The following SHTN1 variants were observed in gnomAD, a reference collection of about 807,000 sequenced individuals.
SHTN1 encodes shootin 1, also known as shootin-1.
A neutral mutation model predicts 83.1 loss-of-function variants in SHTN1; 42 were observed. The ratio of observed to expected loss-of-function variants is 0.51; its 90% CI spans 0.39 to 0.65. The LOEUF (loss-of-function observed/expected upper bound fraction) is 0.65. Ranked by LOEUF, SHTN1 falls within the 30% of genes least tolerant of loss-of-function variation. SHTN1 has a pLI of 0.00. For missense variants in SHTN1, 622 were observed against 737.8 expected (o/e 0.84, Z 1.82); for synonymous variants, 224 against 247.7 (o/e 0.90, Z 0.90).
chr10:116,953,619 T>G (rs766373941), intron 5 of SHTN1, among the ~76,000 whole-genome samples: 20 of 114,596 alleles, frequency 1.7e-4, no homozygotes, highest in South Asian at 7.4e-4. Flanking sequence ...CAGTTTTGTG[T>G]TTTGTTTTTT....
Position 117,103,950 on chromosome 10 carries a change from A to G in SHTN1, c.-189+22357T>C, listed in dbSNP as rs576137396. On this transcript the variant is annotated intron_variant, in intron 1 of 17. Transcript: ENST00000392901. ...GGTAATTACAAATTAATGAGCAATTAGTATTACTAGATTAGGGCTGAGGCT... is the reference window on the plus strand; with the variant it reads ...GGTAATTACAAATTAATGAGCAATTGGTATTACTAGATTAGGGCTGAGGCT... Among the ~76,000 whole-genome samples the G allele has an allele frequency of 2.6e-3, 389 of 152,352 alleles. 2 individuals are homozygous for G. Among genetic ancestry groups the G allele is most frequent in the African/African-American group, 8.8e-3 (366 of 41,580 alleles).
intron 9 of SHTN1, among the ~76,000 whole-genome samples, chr10:116,936,612 C>T (rs558685163): frequency 3.9e-5 from 6 of 152,120 alleles, no homozygotes; most frequent in Non-Finnish European, 5.9e-5. Flanking sequence ...AGAATAAGTA[C>T]GATGTGGTCC....
intron 6 of SHTN1, 28 bp downstream of exon 6, chr10:116,951,881 C>G (rs768795642): frequency 7.7e-7 from 1 of 1,304,918 alleles, no homozygotes; most frequent in Non-Finnish European, 1.1e-6. Flanking sequence ...ATGCTAAAGC[C>G]CTTGCCTTTC....
Position 116,939,231 on chromosome 10 carries a change from G to A in SHTN1, c.858+1235C>T, listed in dbSNP as rs1849277035. 2.6e-5 allele frequency among the ~76,000 whole-genome samples: 4 copies of A among 152,196 alleles called. No individual in the cohort carries two copies. In the South Asian group the frequency reaches 6.2e-4, roughly 24 times the overall value. ...TGGAGTATGAAGAAACACTCCTGCAGCTAGTTTGGTGTCTGCCCAAATGGC... is the reference window on the plus strand; with the variant it reads ...TGGAGTATGAAGAAACACTCCTGCAACTAGTTTGGTGTCTGCCCAAATGGC... On this transcript the variant is annotated intron_variant, in intron 9 of 16. Coordinates refer to ENST00000355371, the MANE Select transcript of SHTN1 (RefSeq NM_001127211.3).
intron 1 of SHTN1, among the ~76,000 whole-genome samples, chr10:117,095,488 G>T (rs1431331444): frequency 2.0e-5 from 3 of 152,104 alleles, no homozygotes; most frequent in Non-Finnish European, 4.4e-5. Context: ...ACACTAAGAA[G>T]AATCTAGAGT....
At chr10:116,928,583 T>C (rs1241368739) in intron 10 of SHTN1, among the ~76,000 whole-genome samples, 4 of 152,136 alleles carry the variant, frequency 2.6e-5, no homozygotes, top group African/African-American at 4.8e-5. Context: ...CTAATACCTA[T>C]GAGATAATGG....
chr10:116,892,911 C>T (rs895744676), intron 16 of SHTN1, among the ~76,000 whole-genome samples: 8 of 152,048 alleles, frequency 5.3e-5, no homozygotes, highest in Non-Finnish European at 7.4e-5. Flanking sequence ...TACAATGTAC[C>T]GAAAGCAATT....
chr10:116,936,396 T>C lies in SHTN1; in HGVS notation c.858+4070A>G, dbSNP rs567016416. On this transcript the variant is annotated intron_variant, in intron 9 of 16. Transcript: ENST00000355371. The stretch of plus-strand genomic sequence containing the variant: ...TCTGTTCTCATTGGTTTCAAAGAAC[T>C]TATTTATTTCTGCCTTAATTTCGTT... 7.9e-5 allele frequency among the ~76,000 whole-genome samples: 12 copies of C among 152,286 alleles called. No homozygotes were observed. In the East Asian group the frequency reaches 2.1e-3, roughly 27 times the overall value.
At chr10:117,065,860 G>GGAAGGAAGGAAGGAAA (rs1564947552) in intron 1 of SHTN1, among the ~76,000 whole-genome samples, 1 of 97,830 alleles carries the variant, frequency 1.0e-5, no homozygotes, top group Non-Finnish European at 2.0e-5. Flanking sequence ...AAGGAAAGGA[G>GGAAGGAAGGAAGGAAA]GGAGGGAGGG....
At chr10:117,064,212 G>GA (rs1282826499) in intron 1 of SHTN1, among the ~76,000 whole-genome samples, 1 of 152,214 alleles carries the variant, frequency 6.6e-6, no homozygotes, top group African/African-American at 2.4e-5. Context: ...CTCCAACCAT[G>GA]AGTTTGCTGT....
At chr10:117,105,413 T>C (rs1397624569) in intron 1 of SHTN1, among the ~76,000 whole-genome samples, 2 of 152,202 alleles carry the variant, frequency 1.3e-5, no homozygotes, top group Admixed American at 1.3e-4. Flanking sequence ...GAAAATCTTA[T>C]TAGTTAAGCA....
chr10:116,955,039 T>C (rs781422075), intron 4 of SHTN1, among the ~76,000 whole-genome samples: 3 of 151,574 alleles, frequency 2.0e-5, no homozygotes, highest in African/African-American at 4.9e-5. Context: ...TTTCTTTTCT[T>C]GTTTAAACTA....
chr10:117,016,139 C>T (rs1334758282), intron 2 of SHTN1, among the ~76,000 whole-genome samples: 2 of 152,100 alleles, frequency 1.3e-5, no homozygotes, highest in Non-Finnish European at 2.9e-5. Flanking sequence ...AGCACTCTTA[C>T]ACAGGTTCAA....
intron 12 of SHTN1, among the ~76,000 whole-genome samples, chr10:116,916,014 T>C (rs1283018714): frequency 6.6e-6 from 1 of 152,250 alleles, no homozygotes; most frequent in African/African-American, 2.4e-5. Flanking sequence ...AACTGCCATC[T>C]TTTGTTTATG....
intron 2 of SHTN1, among the ~76,000 whole-genome samples, chr10:117,035,658 A>C (rs562007361): frequency 6.6e-6 from 1 of 152,244 alleles, no homozygotes; most frequent in African/African-American, 2.4e-5. Context: ...TGATTTAAAA[A>C]TGGGCAAAAA....
chr10:117,072,452 G>T (rs1853095876), intron 1 of SHTN1, among the ~76,000 whole-genome samples: 1 of 152,126 alleles, frequency 6.6e-6, no homozygotes, highest in Admixed American at 6.6e-5. Context: ...GAAAGAAGTG[G>T]ACTGCTCCTG....
intron 1 of SHTN1, among the ~76,000 whole-genome samples, chr10:116,981,392 C>A (rs1332962649): frequency 1.3e-5 from 2 of 152,178 alleles, no homozygotes; most frequent in Admixed American, 6.5e-5. Flanking sequence ...TCTCTGCACA[C>A]CAGCTCTTCA....
At chr10:116,964,595 A>G (rs1850323151) in intron 3 of SHTN1, among the ~76,000 whole-genome samples, 1 of 152,224 alleles carries the variant, frequency 6.6e-6, no homozygotes, top group Non-Finnish European at 1.5e-5. Flanking sequence ...AAAGTTTTCC[A>G]TGTGGTAAGG....
intron 14 of SHTN1, among the ~76,000 whole-genome samples, chr10:116,909,108 T>C (rs1406933724): frequency 6.6e-6 from 1 of 152,210 alleles, no homozygotes; most frequent in Admixed American, 6.5e-5. Context: ...ATTCCTTCAC[T>C]TTATAGAAAA....
Sources: gnomAD v4.1 joint callset for allele counts (sites outside exome capture counted in the v4.1 genomes callset) on GRCh38, gnomAD v4.1.1 for gene constraint, MANE v1.5 for transcripts, NCBI Gene and HGNC (gene_info 2026-07-23, HGNC 2026-07-21) for gene names.